The following FHIT variants were observed in gnomAD, a reference collection of about 807,000 sequenced individuals.
FHIT encodes the protein bis(5'-adenosyl)-triphosphatase.
A neutral mutation model predicts 17.9 loss-of-function variants in FHIT; 19 were observed. The observed-to-expected ratio is 1.06, with a 90% CI of 0.74 to 1.56. FHIT has a LOEUF of 1.56. FHIT is among the 40% of genes most tolerant of loss of function. The probability of loss-of-function intolerance (pLI) is 0.00; values close to 1 mark genes in which losing one functional copy is unlikely to be tolerated. For missense variants in FHIT, 248 were observed against 189.2 expected (o/e 1.31, Z -1.82); for synonymous variants, 81 against 69.7 (o/e 1.16, Z -0.81).
chr3:60,295,426 G>A (rs1038658717), intron 5 of FHIT, among the ~76,000 whole-genome samples: 10 of 152,102 alleles, frequency 6.6e-5, no homozygotes, highest in Non-Finnish European at 8.8e-5. Context: ...AGGGGAGCCA[G>A]CATGTAGAGA....
chr3:60,960,631 T>A (rs1401047527), intron 3 of FHIT, among the ~76,000 whole-genome samples: 1 of 152,166 alleles, frequency 6.6e-6, no homozygotes, highest in Non-Finnish European at 1.5e-5. Context: ...TTCTCCATCC[T>A]GTGTCTATGT....
intron 4 of FHIT, among the ~76,000 whole-genome samples, chr3:60,633,691 G>A (rs2039505461): frequency 6.6e-6 from 1 of 152,198 alleles, no homozygotes; most frequent in South Asian, 2.1e-4. Context: ...GAGCTGTTAG[G>A]AAATGCTAGC....
At chr3:60,065,688 A>G (rs1702469601) in intron 5 of FHIT, among the ~76,000 whole-genome samples, 1 of 152,200 alleles carries the variant, frequency 6.6e-6, no homozygotes, top group Non-Finnish European at 1.5e-5. Flanking sequence ...TGAATTACAC[A>G]TCTACAGAGC....
intron 4 of FHIT, among the ~76,000 whole-genome samples, chr3:60,633,659 T>C (rs1248423700): frequency 6.6e-6 from 1 of 152,306 alleles, no homozygotes; most frequent in Non-Finnish European, 1.5e-5. Flanking sequence ...GAAAGGAAAC[T>C]GTATGCTACT....
chr3:60,376,473 A>G lies in FHIT; in HGVS notation c.103+160387T>C, dbSNP rs115703370. On this transcript the variant is annotated intron_variant, in intron 5 of 9. Transcript: ENST00000492590. ...AATGTGGTTGCCACAGATTTTTCATAAACACAAACATACATACACACACAC... is the reference window on the plus strand; with the variant it reads ...AATGTGGTTGCCACAGATTTTTCATGAACACAAACATACATACACACACAC... Among the ~76,000 whole-genome samples, 551 of 152,352 alleles carry G rather than the reference A, an allele frequency of 3.6e-3. 2 individuals carry two copies. The highest frequency in any genetic ancestry group is 6.6e-3 in the Non-Finnish European group (449 of 68,040).
chr3:60,272,504 T>A (rs1238411161), intron 5 of FHIT, among the ~76,000 whole-genome samples: 1 of 152,112 alleles, frequency 6.6e-6, no homozygotes, highest in Non-Finnish European at 1.5e-5. Context: ...TAATGATGAA[T>A]CCTTTAATGA....
intron 5 of FHIT, among the ~76,000 whole-genome samples, chr3:60,253,328 A>T (rs1399747929): frequency 6.6e-6 from 1 of 152,230 alleles, no homozygotes; most frequent in African/African-American, 2.4e-5. Flanking sequence ...ATGGATGGAA[A>T]GTATTCTGGC....
chr3:60,706,877 A>G (rs940661638), intron 4 of FHIT, among the ~76,000 whole-genome samples: 2 of 152,228 alleles, frequency 1.3e-5, no homozygotes, highest in Non-Finnish European at 2.9e-5. Flanking sequence ...TAGTGAAGCA[A>G]CTTCCAAGTT....
At chr3:60,906,886 C>T (rs532754424) in intron 3 of FHIT, among the ~76,000 whole-genome samples, 3 of 151,982 alleles carry the variant, frequency 2.0e-5, no homozygotes, top group Non-Finnish European at 2.9e-5. Context: ...AAAGGAAGAC[C>T]GTGCTCTATG....
At chr3:60,282,818 T>G (rs888321807) in intron 5 of FHIT, among the ~76,000 whole-genome samples, 2 of 152,240 alleles carry the variant, frequency 1.3e-5, no homozygotes, top group Admixed American at 1.3e-4. Flanking sequence ...AAAACATACC[T>G]AGGATGATCT....
intron 5 of FHIT, among the ~76,000 whole-genome samples, chr3:60,258,757 T>G (rs576200926): frequency 1.3e-5 from 2 of 152,154 alleles, no homozygotes; most frequent in South Asian, 4.1e-4. Flanking sequence ...CTATGTTGGT[T>G]TGATGGAAAA....
intron 5 of FHIT, among the ~76,000 whole-genome samples, chr3:60,182,492 G>A (rs1701980395): frequency 6.6e-6 from 1 of 152,004 alleles, no homozygotes; most frequent in African/African-American, 2.4e-5. Context: ...TTGCTCAGAG[G>A]CCCAGTGGGC....
At chr3:60,546,230 G>C (rs1156792975) in intron 4 of FHIT, among the ~76,000 whole-genome samples, 3 of 151,836 alleles carry the variant, frequency 2.0e-5, no homozygotes, top group East Asian at 3.9e-4. Flanking sequence ...CTTTTCGTTT[G>C]TTTCACTTCA....
chr3:60,734,215 G>C (rs9865712), intron 4 of FHIT, among the ~76,000 whole-genome samples: 4 of 152,208 alleles, frequency 2.6e-5, no homozygotes, highest in South Asian at 2.1e-4. Flanking sequence ...GCTGAATGCA[G>C]TCTTAGAAAC....
chr3:61,207,706 T>G (rs2039295864), intron 1 of FHIT, among the ~76,000 whole-genome samples: 1 of 152,224 alleles, frequency 6.6e-6, no homozygotes, highest in Non-Finnish European at 1.5e-5. Flanking sequence ...GATTCTTCTC[T>G]CTTTTCTTCT....
intron 8 of FHIT, 54 bp from the exon 9 acceptor site, chr3:59,752,375 G>C: frequency 6.9e-7 from 1 of 1,440,624 alleles, no homozygotes; most frequent in South Asian, 1.2e-5. Context: ...GGATCTCCTT[G>C]AACAAATTTC....
intron 4 of FHIT, among the ~76,000 whole-genome samples, chr3:60,563,515 C>T (rs1322198708): frequency 1.3e-5 from 2 of 152,318 alleles, no homozygotes; most frequent in East Asian, 3.9e-4. Flanking sequence ...CAAAGACAGG[C>T]CAAAAGCTAG....
At chr3:60,727,367 T>C (rs782051371) in intron 4 of FHIT, among the ~76,000 whole-genome samples, 1 of 152,194 alleles carries the variant, frequency 6.6e-6, no homozygotes, top group Admixed American at 6.5e-5. Flanking sequence ...CACTTTTATA[T>C]ATTTTAACTG....
At chr3:60,826,817 G>A (rs73111706) in intron 3 of FHIT, among the ~76,000 whole-genome samples, 7,465 of 152,090 alleles carry the variant, frequency 0.049, 230 homozygotes, top group South Asian at 0.11. Context: ...GTAAACCAAG[G>A]GTACACCATG....
Sources: allele counts gnomAD v4.1 joint callset (sites outside exome capture counted in the v4.1 genomes callset), GRCh38; gene constraint gnomAD v4.1.1; transcripts MANE v1.5; gene names NCBI Gene and HGNC (gene_info 2026-07-23, HGNC 2026-07-21).